QTMAN: variants seen among roughly 807,000 people sequenced by gnomAD.
QTMAN encodes the protein queuosine-tRNA mannosyltransferase, also known as tRNA-queuosine alpha-mannosyltransferase.
chr2:143,975,845 G>T, the QTMAN span, among the ~76,000 whole-genome samples: 1 of 152,152 alleles, frequency 6.6e-6, no homozygotes, highest in South Asian at 2.1e-4. Flanking sequence ...AAATATAGTT[G>T]GGTTGGGTTT....
the QTMAN span, among the ~76,000 whole-genome samples, chr2:144,307,188 T>TAAAAAAAAAAAAAAAAAAAAAAAAATA: frequency 2.5e-5 from 2 of 81,254 alleles, no homozygotes; most frequent in Non-Finnish European, 5.3e-5. Context: ...AAAAAACAAT[T>TAAAAAAAAAAAAAAAAAAAAAAAAATA]AAAAAAAAAA....
At chr2:144,297,499 G>C in the QTMAN span, among the ~76,000 whole-genome samples, 2 of 150,554 alleles carry the variant, frequency 1.3e-5, no homozygotes, top group East Asian at 2.0e-4. Context: ...TCTCGGTTCA[G>C]TAATTCAAAA....
chr2:144,290,138 T>C, the QTMAN span, among the ~76,000 whole-genome samples: 3 of 151,948 alleles, frequency 2.0e-5, no homozygotes, highest in African/African-American at 7.3e-5. Flanking sequence ...TGTTCATAAA[T>C]TTTCTCCAAT....
the QTMAN span, chr2:144,006,458 A>C: frequency 1.3e-5 from 2 of 152,130 alleles, no homozygotes; most frequent in African/African-American, 4.8e-5. Context: ...AGTGTACTCT[A>C]ATCAGGCCAC....
the QTMAN span, among the ~76,000 whole-genome samples, chr2:144,175,968 A>G: frequency 6.6e-6 from 1 of 152,188 alleles, no homozygotes; most frequent in Non-Finnish European, 1.5e-5. Flanking sequence ...CTCGGCCTAG[A>G]TAAGTACATT....
the QTMAN span, among the ~76,000 whole-genome samples, chr2:144,043,751 C>T: frequency 6.6e-6 from 1 of 152,076 alleles, no homozygotes; most frequent in East Asian, 1.9e-4. Context: ...TATTAGTGAA[C>T]AGAAAAGCAA....
At chr2:144,048,314 G>A in the QTMAN span, among the ~76,000 whole-genome samples, 1 of 152,184 alleles carries the variant, frequency 6.6e-6, no homozygotes, top group African/African-American at 2.4e-5. Flanking sequence ...AGTAGCTCGT[G>A]ACAATTACAT....
At chr2:144,096,340 A>G in the QTMAN span, among the ~76,000 whole-genome samples, 1 of 152,238 alleles carries the variant, frequency 6.6e-6, no homozygotes, top group Non-Finnish European at 1.5e-5. Context: ...AAAGAGAGCC[A>G]CGCTTTCTTT....
the QTMAN span, among the ~76,000 whole-genome samples, chr2:144,269,685 C>T: frequency 6.6e-6 from 1 of 151,796 alleles, no homozygotes; most frequent in Admixed American, 6.6e-5. Flanking sequence ...ATACAACGGG[C>T]CAGAAAAATC....
At chr2:144,292,784 C>G in the QTMAN span, among the ~76,000 whole-genome samples, 3 of 152,110 alleles carry the variant, frequency 2.0e-5, no homozygotes, top group Non-Finnish European at 1.5e-5. Context: ...AGAAATAAGA[C>G]TTTTATGTCT....
chr2:144,239,980 T>C, the QTMAN span, among the ~76,000 whole-genome samples: 1 of 152,252 alleles, frequency 6.6e-6, no homozygotes, highest in Non-Finnish European at 1.5e-5. Context: ...CCTAGTAGTA[T>C]ATAGCAGTTG....
chr2:144,248,502 G>A, the QTMAN span, among the ~76,000 whole-genome samples: 2 of 152,156 alleles, frequency 1.3e-5, no homozygotes, highest in African/African-American at 4.8e-5. Context: ...TGATGGCCAA[G>A]CTAGAATTAA....
the QTMAN span, among the ~76,000 whole-genome samples, chr2:144,035,544 A>G: frequency 6.6e-6 from 1 of 152,204 alleles, no homozygotes. Flanking sequence ...TAAAAAGACC[A>G]TAGTTATTTT....
chr2:144,046,572 T>A, the QTMAN span, among the ~76,000 whole-genome samples: 1 of 152,180 alleles, frequency 6.6e-6, no homozygotes, highest in African/African-American at 2.4e-5. Context: ...AAAATCTACA[T>A]CTACTTCTGC....
chr2:144,133,237 T>G, the QTMAN span, among the ~76,000 whole-genome samples: 1 of 58,874 alleles, frequency 1.7e-5, no homozygotes, highest in African/African-American at 8.7e-5. Flanking sequence ...ATATTTATAT[T>G]TATATATAAA....
At chr2:144,080,188 C>T in the QTMAN span, among the ~76,000 whole-genome samples, 5 of 152,192 alleles carry the variant, frequency 3.3e-5, no homozygotes, top group South Asian at 1.0e-3. Flanking sequence ...GCCTCTTTAA[C>T]AATAATCTCT....
the QTMAN span, among the ~76,000 whole-genome samples, chr2:144,101,416 T>A: frequency 1.4e-5 from 2 of 145,564 alleles, no homozygotes; most frequent in African/African-American, 2.6e-5. Context: ...ACACACACAC[T>A]ACTTTACTGT....
At chr2:144,160,370 T>C in the QTMAN span, among the ~76,000 whole-genome samples, 5 of 152,296 alleles carry the variant, frequency 3.3e-5, no homozygotes, top group East Asian at 3.9e-4. Context: ...TTTATACTTA[T>C]ATAAGCTTGT....
the QTMAN span, among the ~76,000 whole-genome samples, chr2:144,308,316 G>A: frequency 1.3e-4 from 20 of 151,874 alleles, no homozygotes; most frequent in African/African-American, 3.6e-4. Context: ...ACAGGTGCCC[G>A]CCACCACAGC....
Sources: allele counts gnomAD v4.1 joint callset (sites outside exome capture counted in the v4.1 genomes callset), GRCh38; gene constraint gnomAD v4.1.1; transcripts MANE v1.5; gene names NCBI Gene and HGNC (gene_info 2026-07-23, HGNC 2026-07-21).